Variants in CCDC192 observed in about 807,000 individuals in gnomAD.
The protein encoded by CCDC192 is coiled-coil domain containing 192.
At chr5:127,851,488 C>T (rs960532467) in intron 5 of CCDC192, among the ~76,000 whole-genome samples, 1 of 151,998 alleles carries the variant, frequency 6.6e-6, no homozygotes, top group Non-Finnish European at 1.5e-5. Context: ...GATGGAGTCT[C>T]GCTCTGTCAC....
At chr5:127,925,971 C>A (rs1341638939) in intron 6 of CCDC192, among the ~76,000 whole-genome samples, 1 of 152,118 alleles carries the variant, frequency 6.6e-6, no homozygotes, top group African/African-American at 2.4e-5. Flanking sequence ...CAGGCAGCCC[C>A]CAGAATCACA....
chr5:127,763,326 T>C (rs1227067650), intron 3 of CCDC192, among the ~76,000 whole-genome samples: 1 of 152,194 alleles, frequency 6.6e-6, no homozygotes, highest in Non-Finnish European at 1.5e-5. Context: ...CTTTGATTCT[T>C]TCCTTTTCCT....
chr5:127,775,947 G>T (rs1230552133), intron 3 of CCDC192, among the ~76,000 whole-genome samples: 2 of 152,180 alleles, frequency 1.3e-5, no homozygotes, highest in African/African-American at 4.8e-5. Context: ...GTGGAATTGT[G>T]AGTCCATGAA....
intron 2 of CCDC192, among the ~76,000 whole-genome samples, chr5:127,753,044 C>A (rs904704583): frequency 1.4e-4 from 22 of 152,158 alleles, no homozygotes; most frequent in Admixed American, 3.9e-4. Context: ...CCCGGTACCT[C>A]AGATGGAAAT....
intron 6 of CCDC192, among the ~76,000 whole-genome samples, chr5:127,914,349 CT>C (rs564605376): frequency 1.2e-3 from 178 of 152,202 alleles, no homozygotes; most frequent in Non-Finnish European, 2.0e-3. Flanking sequence ...AGAATGTGGA[CT>C]TTTTAAGATG....
intron 2 of CCDC192, among the ~76,000 whole-genome samples, chr5:127,735,311 T>G (rs1268698723): frequency 7.1e-6 from 1 of 141,064 alleles, no homozygotes; most frequent in Non-Finnish European, 1.5e-5. Flanking sequence ...ACCAGTACCA[T>G]GCTGTTTTGG....
intron 3 of CCDC192, among the ~76,000 whole-genome samples, chr5:127,779,687 G>T (rs1245287554): frequency 6.6e-6 from 1 of 152,162 alleles, no homozygotes; most frequent in African/African-American, 2.4e-5. Context: ...TGTTCAAGTA[G>T]TAACTTCTTT....
At chr5:127,799,973 T>C (rs1757390469) in intron 5 of CCDC192, among the ~76,000 whole-genome samples, 1 of 152,130 alleles carries the variant, frequency 6.6e-6, no homozygotes, top group African/African-American at 2.4e-5. Context: ...ATTTCACATA[T>C]CTATTTTAAA....
intron 6 of CCDC192, among the ~76,000 whole-genome samples, chr5:127,939,940 C>G (rs1288202028): frequency 6.6e-6 from 1 of 152,140 alleles, no homozygotes; most frequent in Non-Finnish European, 1.5e-5. Context: ...GAAATGATAC[C>G]CAAGCCCTTG....
intron 5 of CCDC192, among the ~76,000 whole-genome samples, chr5:127,823,613 G>T (rs181884344): frequency 6.6e-6 from 1 of 152,246 alleles, no homozygotes; most frequent in Admixed American, 6.5e-5. Context: ...AGCCTTGTTG[G>T]AGTTTCTGCC....
intron 6 of CCDC192, among the ~76,000 whole-genome samples, chr5:127,888,596 G>C (rs1202980660): frequency 6.6e-6 from 1 of 152,030 alleles, no homozygotes; most frequent in Non-Finnish European, 1.5e-5. Flanking sequence ...TTATTTAACT[G>C]TTCTCATTTA....
Position 127,921,189 on chromosome 5 carries a change from AAG to A in CCDC192, c.536-19983_536-19982del, listed in dbSNP as rs146268788. Reference sequence around the variant, plus strand: ...GAAAAGAAAAGAAAAGAAGGAAGGAAAGAGAGAGAGAAAGAAAGAGAGTAGTG... The same window carrying A: ...GAAAAGAAAAGAAAAGAAGGAAGGAAAGAGAGAGAAAGAAAGAGAGTAGTG... On this transcript the variant is annotated intron_variant, in intron 6 of 6. Transcript: ENST00000514853. Among the ~76,000 whole-genome samples, 118 of 151,586 alleles carry A rather than the reference AAG, an allele frequency of 7.8e-4. 1 individual carries two copies. In the East Asian group the frequency reaches 0.021, roughly 27 times the overall value.
intron 5 of CCDC192, among the ~76,000 whole-genome samples, chr5:127,819,616 T>A (rs531099148): frequency 6.6e-6 from 1 of 152,172 alleles, no homozygotes; most frequent in Non-Finnish European, 1.5e-5. Context: ...AAAGATAGCA[T>A]GGGAGCCAAA....
At chr5:127,912,566 C>T (rs1753405552) in intron 6 of CCDC192, among the ~76,000 whole-genome samples, 1 of 152,086 alleles carries the variant, frequency 6.6e-6, no homozygotes, top group Non-Finnish European at 1.5e-5. Flanking sequence ...AACACCGAGC[C>T]TCTGTGATAG....
chr5:127,705,260 T>A (rs1750898559), intron 1 of CCDC192, among the ~76,000 whole-genome samples: 1 of 152,224 alleles, frequency 6.6e-6, no homozygotes, highest in South Asian at 2.1e-4. Flanking sequence ...AGGCCATGAC[T>A]CATGACCTTT....
At chr5:127,810,965 T>C (rs1481523887) in intron 5 of CCDC192, among the ~76,000 whole-genome samples, 1 of 152,206 alleles carries the variant, frequency 6.6e-6, no homozygotes, top group East Asian at 1.9e-4. Context: ...TCCATGCCTA[T>C]GGGCCCATTC....
chr5:127,840,258 G>A (rs1231732679), intron 5 of CCDC192, among the ~76,000 whole-genome samples: 1 of 152,182 alleles, frequency 6.6e-6, no homozygotes, highest in Non-Finnish European at 1.5e-5. Context: ...TGGGTAAGAA[G>A]TTAAATGTAT....
intron 5 of CCDC192, among the ~76,000 whole-genome samples, chr5:127,829,898 G>A (rs1749704703): frequency 6.6e-6 from 1 of 152,064 alleles, no homozygotes; most frequent in African/African-American, 2.4e-5. Flanking sequence ...CCGGTGGCTT[G>A]AGTAGAGTCA....
intron 6 of CCDC192, among the ~76,000 whole-genome samples, chr5:127,895,797 C>T (rs868458869): frequency 1.3e-5 from 2 of 151,396 alleles, no homozygotes; most frequent in East Asian, 1.9e-4. Context: ...GCTGAGATCA[C>T]GCCACTGCAC....
Sources: allele counts gnomAD v4.1 joint callset (sites outside exome capture counted in the v4.1 genomes callset), GRCh38; gene constraint gnomAD v4.1.1; transcripts MANE v1.5; gene names NCBI Gene and HGNC (gene_info 2026-07-23, HGNC 2026-07-21).